The following RAB33A variants were observed in gnomAD, a reference collection of about 807,000 sequenced individuals.
The protein encoded by RAB33A is ras-related protein Rab-33A.
RAB33A carries 6 observed loss-of-function variants against 12.0 expected under a neutral mutation model. The observed-to-expected ratio is 0.50, with a 90% CI of 0.27 to 0.99. The LOEUF (loss-of-function observed/expected upper bound fraction) is 0.99. RAB33A is among the 50% of genes least tolerant of loss of function. RAB33A has a pLI of 0.11. For synonymous variants in RAB33A, 70 were observed against 82.4 expected (o/e 0.85, Z 0.81); for missense variants, 109 against 192.0 (o/e 0.57, Z 2.55).
At chrX:130,178,169 T>G (rs990033671) in intron 1 of RAB33A, among the ~76,000 whole-genome samples, 4 of 106,593 alleles carry the variant, frequency 3.8e-5, no homozygotes, top group African/African-American at 1.4e-4. Flanking sequence ...AATATGAAAA[T>G]TAGTTGGGTG....
At chrX:130,119,041 G>A in the RAB33A span, among the ~76,000 whole-genome samples, 2 of 111,653 alleles carry the variant, frequency 1.8e-5, no homozygotes, top group African/African-American at 6.5e-5. Context: ...AGGGCTGACC[G>A]AGGGGAGCTA....
intron 1 of RAB33A, among the ~76,000 whole-genome samples, chrX:130,177,179 T>C (rs2031672666): frequency 8.9e-6 from 1 of 112,314 alleles, no homozygotes; most frequent in African/African-American, 3.2e-5. Context: ...CCCTCCCCAC[T>C]GGATGGCCTT....
chrX:130,122,963 A>G, the RAB33A span, among the ~76,000 whole-genome samples: 1 of 111,681 alleles, frequency 9.0e-6, no homozygotes, highest in East Asian at 2.8e-4. Context: ...AAAGAAAAAT[A>G]AACTATAAAC....
rs145462514 is a variant in RAB33A, at chrX:130,172,302, C to T, written c.240C>T (p.Ile80=). ...ACTTCAGGGAGAAGACCGTGGAAAT[C>T]GAGGGCGAGAAGATCAAGGTGATCC... ...GVDFREKTVE[I]EGEKIKVQVW... Residue 80 remains isoleucine, a synonymous_variant, in exon 1 of 2, where the codon ATC becomes ATT. Coordinates refer to ENST00000257017, the MANE Select transcript of RAB33A (RefSeq NM_004794.3). The T allele has an allele frequency of 7.2e-5, 87 of 1,205,670 alleles. No individual in the cohort carries two copies. Among genetic ancestry groups the T allele is most frequent in the Non-Finnish European group, 9.4e-5 (84 of 892,573 alleles).
At chrX:130,146,451 ATGTGTG>A in the RAB33A span, among the ~76,000 whole-genome samples, 2,859 of 89,299 alleles carry the variant, frequency 0.032, 84 homozygotes, top group East Asian at 0.1. Flanking sequence ...CTCTCAAAAT[ATGTGTG>A]TGTGTGTGTG....
chrX:130,152,558 G>T, the RAB33A span, among the ~76,000 whole-genome samples: 1 of 111,651 alleles, frequency 9.0e-6, no homozygotes, highest in Non-Finnish European at 1.9e-5. Context: ...AAGGAAACAG[G>T]TCATTTTCTG....
At chrX:130,128,406 C>G in the RAB33A span, among the ~76,000 whole-genome samples, 2 of 110,908 alleles carry the variant, frequency 1.8e-5, no homozygotes, top group East Asian at 5.7e-4. Flanking sequence ...AACCCCATCT[C>G]TACTAAAAAT....
At chrX:130,165,709 C>T in the RAB33A span, 21 of 1,042,239 alleles carry the variant, frequency 2.0e-5, no homozygotes, top group Non-Finnish European at 2.5e-5. Flanking sequence ...CACGCACGAC[C>T]GACGGGTCAA....
the RAB33A span, chrX:130,140,481 A>C: frequency 6.6e-6 from 7 of 1,067,507 alleles, no homozygotes; most frequent in Non-Finnish European, 6.5e-6. Context: ...GCTGGACTCT[A>C]AAACTTGAAT....
chrX:130,151,841 G>A, the RAB33A span, among the ~76,000 whole-genome samples: 3 of 111,116 alleles, frequency 2.7e-5, no homozygotes, highest in East Asian at 2.8e-4. Context: ...AGGAGTTCGA[G>A]ACTAGCCTGG....
the RAB33A span, among the ~76,000 whole-genome samples, chrX:130,111,981 G>A: frequency 9.0e-6 from 1 of 111,675 alleles, no homozygotes; most frequent in Non-Finnish European, 1.9e-5. Context: ...GACTGAAGGA[G>A]CCCCAGGGGA....
chrX:130,182,187 T>TACAC (rs1432468132), intron 1 of RAB33A, among the ~76,000 whole-genome samples: 1 of 73,085 alleles, frequency 1.4e-5, no homozygotes, highest in Non-Finnish European at 2.5e-5. Context: ...TATATACACA[T>TACAC]ATATATAACA....
intron 1 of RAB33A, among the ~76,000 whole-genome samples, chrX:130,180,497 C>T (rs780942774): frequency 9.0e-6 from 1 of 110,541 alleles, no homozygotes; most frequent in South Asian, 3.9e-4. Context: ...CTCTGTTGCC[C>T]AGGCTGGAGT....
At chrX:130,160,920 T>TAAAAC in the RAB33A span, among the ~76,000 whole-genome samples, 1 of 106,058 alleles carries the variant, frequency 9.4e-6, no homozygotes, top group Non-Finnish European at 1.9e-5. Flanking sequence ...ATAAATAAAA[T>TAAAAC]GAAAAAATAA....
At chrX:130,156,527 C>T in the RAB33A span, 1 of 1,211,274 alleles carries the variant, frequency 8.3e-7, no homozygotes, top group Middle Eastern at 2.3e-4. Flanking sequence ...CGATTTTGCC[C>T]CCTGATGCAC....
the RAB33A span, chrX:130,136,245 G>T: frequency 1.7e-6 from 2 of 1,149,237 alleles, no homozygotes; most frequent in Non-Finnish European, 2.4e-6. Context: ...GCCTACAGGC[G>T]TAACAATGGC....
At chrX:130,139,167 AC>A in the RAB33A span, among the ~76,000 whole-genome samples, 1 of 108,580 alleles carries the variant, frequency 9.2e-6, no homozygotes, top group Non-Finnish European at 1.9e-5. Context: ...TACTAAAAAT[AC>A]AAAAAAAAAA....
chrX:130,172,387 T>G, intron 1 of RAB33A, 67 bp downstream of exon 1: 16 of 1,122,264 alleles, frequency 1.4e-5, no homozygotes, highest in Admixed American at 2.9e-5. Context: ...GGCATAGCTC[T>G]AGCGGTTGTC....
the RAB33A span, among the ~76,000 whole-genome samples, chrX:130,129,188 G>C: frequency 1.8e-5 from 2 of 111,373 alleles, no homozygotes; most frequent in East Asian, 5.6e-4. Context: ...TGTGTGCAAA[G>C]AGGTCTGGAG....
Sources: gnomAD v4.1 joint callset for allele counts (sites outside exome capture counted in the v4.1 genomes callset) on GRCh38, gnomAD v4.1.1 for gene constraint, MANE v1.5 for transcripts, NCBI Gene and HGNC (gene_info 2026-07-23, HGNC 2026-07-21) for gene names.